Variants in SHISAL1 observed in about 807,000 individuals in gnomAD.
SHISAL1 encodes shisa like 1.
A neutral mutation model predicts 22.6 loss-of-function variants in SHISAL1; 9 were observed. The ratio of observed to expected loss-of-function variants is 0.40; its 90% confidence interval spans 0.24 to 0.70. The LOEUF is 0.70. Among genes scored for constraint, SHISAL1 ranks in the 30% least tolerant of loss-of-function variants. The pLI is 0.39. For synonymous variants in SHISAL1, 119 were observed against 115.4 expected (o/e 1.03, Z -0.20); for missense variants, 246 against 270.6 (o/e 0.91, Z 0.64).
chr22:44,248,670 C>T lies in SHISAL1; in HGVS notation c.*1015G>A, dbSNP rs1404429938. On this transcript the variant is annotated 3_prime_UTR_variant, in exon 5 of 5. Coordinates refer to ENST00000381176, the MANE Select transcript of SHISAL1 (RefSeq NM_001099294.2). ...GATCTAACTCATCTTTCATTCCCAT[C>T]ACTGCCCAGCACGGGGCCTGGCACA... 1 of 152,220 alleles carries T rather than the reference C, an allele frequency of 6.6e-6. No homozygotes were observed. The highest frequency in any genetic ancestry group is 1.5e-5 in the Non-Finnish European group (1 of 68,062). 9.4% of individuals were successfully genotyped at this position (152,220 alleles called of 1,614,324 possible). A position where few individuals can be genotyped will look rare whatever the true frequency, so the allele number is the denominator to read the frequency against.
rs977780485 is a variant in SHISAL1 at position 44,250,227 on chromosome 22, G to T, written c.*-542C>A. Among the ~76,000 whole-genome samples, 53 of 152,228 alleles carry T rather than the reference G, an allele frequency of 3.5e-4. 1 individual carries two copies. Among genetic ancestry groups the T allele is most frequent in the African/African-American group, 1.1e-3 (47 of 41,546 alleles). ...TTCTGATTTGGCTGATAAATTATAT[G>T]GTCACCATTGCCATAACAAACTAAA... On this transcript the variant is annotated intron_variant, in intron 4 of 4. Transcript: ENST00000381176.
rs1176467189 is a variant in SHISAL1, at chr22:44,248,115, C to T, written c.*1570G>A. The T allele has an allele frequency of 6.6e-6, 1 of 150,472 alleles. No individual in the cohort carries two copies. The highest frequency in any genetic ancestry group is 2.5e-5 in the African/African-American group (1 of 39,782). The allele number at this position is 150,472 out of a possible 1,614,324, so 9.3% of individuals were successfully genotyped here. The stretch of plus-strand genomic sequence containing the variant: ...CTCACGTGTCCCTCGAACTGAGTTC[C>T]TGGCACTGAGTTCCCGGCAGAGCAC... On this transcript the variant is annotated 3_prime_UTR_variant, in exon 5 of 5. Coordinates refer to ENST00000381176, the MANE Select transcript of SHISAL1 (RefSeq NM_001099294.2).
intron 4 of SHISAL1, among the ~76,000 whole-genome samples, chr22:44,261,101 A>ATAT (rs1157149336): frequency 2.4e-5 from 3 of 126,776 alleles, no homozygotes; most frequent in African/African-American, 3.6e-5. Context: ...ATATATATAC[A>ATAT]CTATATGGAT....
chr22:44,264,567 C>T (rs939268964), intron 4 of SHISAL1, among the ~76,000 whole-genome samples: 3 of 152,156 alleles, frequency 2.0e-5, no homozygotes, highest in African/African-American at 7.2e-5. Context: ...GATGTAGTCA[C>T]TCTCAGGGGA....
At chr22:44,307,520 T>C (rs1392250709) in intron 1 of SHISAL1, among the ~76,000 whole-genome samples, 2 of 152,210 alleles carry the variant, frequency 1.3e-5, no homozygotes, top group Non-Finnish European at 2.9e-5. Context: ...CCGGGTTCTA[T>C]TTCTCTGAAA....
At chr22:44,264,822 C>T (rs151335601) in intron 4 of SHISAL1, among the ~76,000 whole-genome samples, 24 of 151,720 alleles carry the variant, frequency 1.6e-4, no homozygotes, top group Non-Finnish European at 2.7e-4. Flanking sequence ...TGACCTTGGA[C>T]GAGGTCCCCA....
chr22:44,275,297 A>G (rs570497449), intron 4 of SHISAL1, among the ~76,000 whole-genome samples: 5 of 152,320 alleles, frequency 3.3e-5, no homozygotes, highest in African/African-American at 1.2e-4. Flanking sequence ...CCGAAAGCAA[A>G]CAAAACCAAC....
intron 4 of SHISAL1, among the ~76,000 whole-genome samples, chr22:44,264,459 C>G (rs1284250140): frequency 6.6e-6 from 1 of 152,144 alleles, no homozygotes; most frequent in Non-Finnish European, 1.5e-5. Flanking sequence ...GTGGTGTGAG[C>G]TCTGGTGGCT....
chr22:44,284,897 G>GCCTGCCTTCCTT (rs570595554), intron 4 of SHISAL1, among the ~76,000 whole-genome samples: 1,709 of 134,590 alleles, frequency 0.013, 45 homozygotes, highest in East Asian at 0.1. Context: ...CTGCCTTCCT[G>GCCTGCCTTCCTT]CCTTCCTTCC....
At chr22:44,252,909 C>T (rs775218784) in intron 4 of SHISAL1, among the ~76,000 whole-genome samples, 5 of 151,790 alleles carry the variant, frequency 3.3e-5, no homozygotes, top group Admixed American at 2.0e-4. Context: ...GCAAGAGAAT[C>T]GCTCAAACCC....
At chr22:44,316,188 G>A (rs988387752), upstream of SHISAL1, among the ~76,000 whole-genome samples, 8 of 152,196 alleles carry the variant, frequency 5.3e-5, no homozygotes, top group Admixed American at 2.0e-4. Flanking sequence ...GGGACGTGGT[G>A]CACCCTGGGG....
intron 4 of SHISAL1, among the ~76,000 whole-genome samples, chr22:44,252,595 T>C (rs1270937305): frequency 3.4e-5 from 5 of 145,512 alleles, no homozygotes; most frequent in Non-Finnish European, 7.5e-5. Flanking sequence ...ATCTGCCATA[T>C]CAGTAAATGT....
intron 4 of SHISAL1, among the ~76,000 whole-genome samples, chr22:44,273,231 T>C (rs1268256839): frequency 6.6e-6 from 1 of 152,216 alleles, no homozygotes; most frequent in Non-Finnish European, 1.5e-5. Context: ...GGTAAACATT[T>C]AACAACCTGT....
chr22:44,269,135 C>T (rs992400369), intron 4 of SHISAL1, among the ~76,000 whole-genome samples: 22 of 151,396 alleles, frequency 1.5e-4, no homozygotes, highest in Non-Finnish European at 2.5e-4. Flanking sequence ...ACCCACAATA[C>T]ACATAAACAC....
intron 2 of SHISAL1, among the ~76,000 whole-genome samples, chr22:44,298,521 G>A (rs888413225): frequency 7.2e-5 from 11 of 152,256 alleles, no homozygotes; most frequent in Non-Finnish European, 1.2e-4. Flanking sequence ...GCCAGTTCCG[G>A]TCACTGTCTG....
chr22:44,270,017 A>T (rs533503877), intron 4 of SHISAL1, among the ~76,000 whole-genome samples: 143 of 152,098 alleles, frequency 9.4e-4, no homozygotes, highest in African/African-American at 3.1e-3. Context: ...CTACCTCCAA[A>T]ATACTGCTTT....
At chr22:44,297,912 G>A (rs1220826449) in intron 2 of SHISAL1, among the ~76,000 whole-genome samples, 2 of 152,232 alleles carry the variant, frequency 1.3e-5, no homozygotes, top group Non-Finnish European at 2.9e-5. Context: ...TCTGCTGAGA[G>A]GTTATTAGAC....
At chr22:44,272,411 G>A (rs1456342985) in intron 4 of SHISAL1, among the ~76,000 whole-genome samples, 2 of 152,222 alleles carry the variant, frequency 1.3e-5, no homozygotes, top group Admixed American at 6.5e-5. Flanking sequence ...AAGAGCAGGG[G>A]CCCGGCCTTT....
At chr22:44,283,654 C>T (rs943472512) in intron 4 of SHISAL1, among the ~76,000 whole-genome samples, 1 of 152,128 alleles carries the variant, frequency 6.6e-6, no homozygotes, top group African/African-American at 2.4e-5. Context: ...AAGTGTTCGG[C>T]GAGGTGTGAG....
Sources: gnomAD v4.1 joint callset for allele counts (sites outside exome capture counted in the v4.1 genomes callset) on GRCh38, gnomAD v4.1.1 for gene constraint, MANE v1.5 for transcripts, NCBI Gene and HGNC (gene_info 2026-07-23, HGNC 2026-07-21) for gene names.